Variants in BMP7 observed in about 807,000 individuals in gnomAD.
BMP7 encodes osteogenic protein 1.
BMP7 carries 12 observed loss-of-function variants against 41.2 expected under a neutral mutation model. That is an observed-to-expected ratio of 0.29 (90% CI 0.19 to 0.47). The LOEUF is 0.47. Ranked by LOEUF, BMP7 falls within the 20% of genes least tolerant of loss-of-function variation. The pLI is 0.99. For synonymous variants in BMP7, 248 were observed against 250.0 expected (o/e 0.99, Z 0.07); for missense variants, 467 against 606.0 (o/e 0.77, Z 2.41).
At chr20:57,176,485 A>T (rs943131336) in intron 4 of BMP7, among the ~76,000 whole-genome samples, 2 of 152,172 alleles carry the variant, frequency 1.3e-5, no homozygotes, top group Non-Finnish European at 2.9e-5. Flanking sequence ...GCTTGAGCCC[A>T]GGTGTCGCCC....
Position 57,214,515 on chromosome 20 carries a change from G to C in BMP7, c.612-11892C>G, listed in dbSNP as rs907599753. On this transcript the variant is annotated intron_variant, in intron 2 of 6. Transcript: ENST00000395863. The surrounding 1 kb of genome is among the most constrained non-coding windows in gnomAD (Gnocchi z 4.0). ...CAACCTGTAAGGCCCTGGATGGTCC[G>C]GCCCCTGTCTCCACAGCCTCCTCCC... 3.9e-5 allele frequency among the ~76,000 whole-genome samples: 6 copies of C among 151,976 alleles called. No individual in the cohort carries two copies. The highest frequency in any genetic ancestry group is 1.5e-4 in the African/African-American group (6 of 41,378).
chr20:57,190,307 T>A (rs138158884), intron 3 of BMP7, among the ~76,000 whole-genome samples: 2 of 143,176 alleles, frequency 1.4e-5, no homozygotes, highest in Admixed American at 6.8e-5. Context: ...GAGGCCAGAG[T>A]GAGTGAGGAG....
rs1600725226 is a variant in BMP7, at chr20:57,170,612, T to G, written c.*347A>C. 5.7e-6 allele frequency: 2 copies of G among 348,338 alleles called. No homozygotes were observed. The highest frequency in any genetic ancestry group is 4.0e-5 in the Admixed American group (1 of 24,694). The allele number at this position is 348,338 out of a possible 1,614,324, so 21.6% of individuals were successfully genotyped here. On this transcript the variant is annotated 3_prime_UTR_variant, in exon 7 of 7. Transcript: ENST00000395863. ...ACGCCCCCTTCCTCCCACGGCTGGG[T>G]GGCCTGGCTGGTAGGCGCTCATAAT...
intron 4 of BMP7, among the ~76,000 whole-genome samples, chr20:57,182,330 C>G (rs1473176065): frequency 6.6e-6 from 1 of 152,170 alleles, no homozygotes; most frequent in Non-Finnish European, 1.5e-5. Flanking sequence ...CCAGAATGCA[C>G]CTTCTGGGGA....
rs1042749461 is a variant in BMP7, at chr20:57,266,603, C to T, written c.-481G>A. The T allele has an allele frequency of 2.6e-5, 4 of 152,588 alleles. No individual in the cohort carries two copies. In the East Asian group the frequency reaches 7.7e-4, roughly 29 times the overall value. 9.5% of individuals were successfully genotyped at this position (152,588 alleles called of 1,614,324 possible). ...GGGGCGCTCTCCCAGCCTTGTGCGC[C>T]CTGGATCGCACAAGAGGCCGCCTCG... On this transcript the variant is annotated 5_prime_UTR_variant, in exon 1 of 7. Coordinates refer to ENST00000395863, the MANE Select transcript of BMP7 (RefSeq NM_001719.3).
At chr20:57,265,031 C>CAAAAAA (rs34234487) in intron 1 of BMP7, among the ~76,000 whole-genome samples, 9 of 74,364 alleles carry the variant, frequency 1.2e-4, no homozygotes, top group South Asian at 5.1e-4. Flanking sequence ...AACTCCGTCT[C>CAAAAAA]AAAAAAAAAA....
intron 1 of BMP7, among the ~76,000 whole-genome samples, chr20:57,229,922 G>A (rs1447043438): frequency 5.9e-5 from 9 of 152,178 alleles, no homozygotes; most frequent in Non-Finnish European, 1.5e-5. Context: ...TCCAAAAAGA[G>A]AGCAGGGTGA....
In BMP7 at chr20:57,178,548, A is replaced by C. The variant is rs562909997; in HGVS notation, c.959-3541T>G. ...AACACAGGAAGGTCAAGGTCAAGGA[A>C]CCATCTGGGAGGAGCCCAAACAGCT... On this transcript the variant is annotated intron_variant, in intron 4 of 6. Coordinates refer to ENST00000395863, the MANE Select transcript of BMP7 (RefSeq NM_001719.3). 1.1e-4 allele frequency among the ~76,000 whole-genome samples: 16 copies of C among 152,016 alleles called. 1 individual carries two copies. In the South Asian group the frequency reaches 3.3e-3, roughly 32 times the overall value.
At chr20:57,211,384 G>T (rs1025500618) in intron 2 of BMP7, among the ~76,000 whole-genome samples, 1 of 152,204 alleles carries the variant, frequency 6.6e-6, no homozygotes, top group Non-Finnish European at 1.5e-5. Context: ...AGTTAGAGGA[G>T]GCAGGGCAGG....
chr20:57,175,237 C>T (rs1983897027), intron 4 of BMP7, among the ~76,000 whole-genome samples: 1 of 152,218 alleles, frequency 6.6e-6, no homozygotes, highest in African/African-American at 2.4e-5. Context: ...ATTCCTCTCT[C>T]ATGTAGTCTT....
intron 3 of BMP7, among the ~76,000 whole-genome samples, chr20:57,193,343 T>C (rs1286829426): frequency 6.6e-6 from 1 of 152,114 alleles, no homozygotes; most frequent in Admixed American, 6.5e-5. Flanking sequence ...AACTGAGCAG[T>C]TGCTACTGGC....
chr20:57,211,339 G>A lies in BMP7; in HGVS notation c.612-8716C>T, dbSNP rs1312259216. ...ACAGGCCCCAGGCCAGAGGTTACTC[G>A]AAGCACAGAAAGCCATCTCCAGGAG... On this transcript the variant is annotated intron_variant, in intron 2 of 6. Transcript: ENST00000395863. Among the ~76,000 whole-genome samples, 7 of 152,318 alleles carry A rather than the reference G, an allele frequency of 4.6e-5. No homozygotes were observed. The South Asian group carries it at 1.0e-3, about 23-fold the overall frequency.
chr20:57,252,726 T>C (rs1255010440), intron 1 of BMP7, among the ~76,000 whole-genome samples: 32 of 152,124 alleles, frequency 2.1e-4, no homozygotes, highest in Admixed American at 2.1e-3. Flanking sequence ...AGCCAGAAAA[T>C]AACCCGTCCA....
chr20:57,240,411 C>A (rs1326650548), intron 1 of BMP7, among the ~76,000 whole-genome samples: 1 of 152,232 alleles, frequency 6.6e-6, no homozygotes, highest in Non-Finnish European at 1.5e-5. Flanking sequence ...GCGTTTTGGG[C>A]AAAGCCATTC....
At chr20:57,264,041 A>G (rs543709771) in intron 1 of BMP7, among the ~76,000 whole-genome samples, 1 of 152,308 alleles carries the variant, frequency 6.6e-6, no homozygotes. Flanking sequence ...AAATCAGGTC[A>G]TATGTTGCTG....
At chr20:57,242,322 C>A (rs1300358801) in intron 1 of BMP7, among the ~76,000 whole-genome samples, 2 of 152,162 alleles carry the variant, frequency 1.3e-5, no homozygotes, top group Non-Finnish European at 2.9e-5. Flanking sequence ...GTGACTAGTG[C>A]TGAGTTGAGA....
rs553109193 is a variant in BMP7, at chr20:57,204,792, A to G, written c.612-2169T>C. 3.3e-5 allele frequency among the ~76,000 whole-genome samples: 5 copies of G among 152,286 alleles called. No individual in the cohort carries two copies. In the South Asian group the frequency reaches 6.2e-4, roughly 19 times the overall value. On this transcript the variant is annotated intron_variant, in intron 2 of 6. Transcript: ENST00000395863. ...CCTCAAAGTCTCCTTTTTAAGTAAT[A>G]TTCAATGACCCCCAGAACCTGATTC...
At position 57,266,036 on chromosome 20, in the gene BMP7, G is replaced by C; in HGVS notation, c.87C>G (p.Ala29=). Residue 29 remains alanine, a synonymous_variant, in exon 1 of 7, where the codon GCC becomes GCG. Transcript: ENST00000395863. ...APLFLLRSAL[A]DFSLDNEVHS... is the part of the protein sequence containing the mutation. ...GCACCTCGTTGTCCAGGCTGAAGTC[G>C]GCCAGGGCGGAGCGCAGCAGGAACA... 2 of 1,545,880 alleles carry C rather than the reference G, an allele frequency of 1.3e-6. No individual in the cohort carries two copies. Among genetic ancestry groups the C allele is most frequent in the Non-Finnish European group, 1.7e-6 (2 of 1,146,886 alleles).
Position 57,173,063 on chromosome 20 carries a change from C to T in BMP7, c.1146+137G>A, listed in dbSNP as rs139755325. 5.1e-3 allele frequency: 4,550 copies of T among 894,430 alleles called. 23 individuals carry two copies. The highest frequency in any genetic ancestry group is 0.013 in the Middle Eastern group (49 of 3,872). The allele number at this position is 894,430 out of a possible 1,614,324, so 55.4% of individuals were successfully genotyped here. On this transcript the variant is annotated intron_variant, in intron 6 of 6. Coordinates refer to ENST00000395863, the MANE Select transcript of BMP7 (RefSeq NM_001719.3). ...ACAATTTTTGATTTTTTTTTAACGG[C>T]GCAAGGGGCCCCCAAAAGTCATGAC...
Sources: allele counts gnomAD v4.1 joint callset (sites outside exome capture counted in the v4.1 genomes callset), GRCh38; gene constraint gnomAD v4.1.1; non-coding constraint Gnocchi (gnomAD v3.1); transcripts MANE v1.5; gene names NCBI Gene and HGNC (gene_info 2026-07-23, HGNC 2026-07-21).